JARID2: variants seen among roughly 807,000 people sequenced by gnomAD.
The protein encoded by JARID2 is protein Jumonji.
JARID2 carries 21 observed loss-of-function variants against 125.6 expected under a neutral mutation model. The observed-to-expected ratio is 0.17, with a 90% CI of 0.12 to 0.24. The LOEUF is 0.24. Ranked by LOEUF, JARID2 falls within the 10% of genes least tolerant of loss-of-function variation. The pLI, the probability that JARID2 is intolerant of heterozygous loss-of-function variation, is 1.00. For synonymous variants in JARID2, 736 were observed against 661.6 expected, an observed-to-expected ratio of 1.11 and a Z score of -1.73; for missense variants, 1,303 against 1,639.6, an observed-to-expected ratio of 0.79 and a Z score of 3.55.
At chr6:15,349,708 A>G (rs1238290527) in intron 1 of JARID2, among the ~76,000 whole-genome samples, 1 of 152,078 alleles carries the variant, frequency 6.6e-6, no homozygotes, top group African/African-American at 2.4e-5. Flanking sequence ...CCTCTCCCCC[A>G]CCACCCCTTA....
intron 2 of JARID2, among the ~76,000 whole-genome samples, chr6:15,407,123 A>ATGG (rs940906237): frequency 9.9e-5 from 15 of 152,056 alleles, no homozygotes; most frequent in African/African-American, 3.6e-4. Flanking sequence ...TTAGTGGGGC[A>ATGG]TGGTGGTGCA....
intron 1 of JARID2, among the ~76,000 whole-genome samples, chr6:15,358,492 A>C (rs1208772978): frequency 6.6e-6 from 1 of 152,206 alleles, no homozygotes; most frequent in East Asian, 1.9e-4. Flanking sequence ...TTCAGGGTTA[A>C]TGAGATTTTC....
At chr6:15,378,648 G>A (rs1225279907) in intron 2 of JARID2, among the ~76,000 whole-genome samples, 1 of 152,112 alleles carries the variant, frequency 6.6e-6, no homozygotes, top group Non-Finnish European at 1.5e-5. Context: ...TTTGAATCCA[G>A]TACTTTTTTG....
rs1770716218 is a variant in JARID2, at chr6:15,501,210, C to T, written c.2249C>T (p.Pro750Leu). The T allele has an allele frequency of 6.2e-7, 1 of 1,613,892 alleles. No homozygotes were observed. Among genetic ancestry groups the T allele is most frequent in the South Asian group, 1.1e-5 (1 of 91,082 alleles). The change falls in exon 8 of 18, where the codon CCT (proline) becomes CTT (leucine). Residue 750 changes from proline (P) to leucine (L), a missense_variant. Physicochemically the swap from Pro to Leu is moderately conservative, Grantham distance 98. Around this residue, in one of 11 missense-constraint regions of JARID2, gnomAD observed 124 missense variants for 131.0 expected, o/e 0.95. Coordinates refer to ENST00000341776, the MANE Select transcript of JARID2 (RefSeq NM_004973.4). ...HTENDHHKFHPLPRFEPKNGL... is the reference protein window; with the variant it reads ...HTENDHHKFHLLPRFEPKNGL... Reference sequence around the variant, plus strand: ...GAGAACGACCACCACAAGTTCCACCCTCTGCCCCGCTTCGAGCCCAAGAAT... The same window carrying T: ...GAGAACGACCACCACAAGTTCCACCTTCTGCCCCGCTTCGAGCCCAAGAAT...
At chr6:15,450,669 G>A (rs1767881137) in intron 3 of JARID2, among the ~76,000 whole-genome samples, 2 of 152,296 alleles carry the variant, frequency 1.3e-5, no homozygotes. Context: ...GTTTAAAGTA[G>A]GGCCCAGTTT....
At chr6:15,511,223 C>T (rs1410778545) in intron 12 of JARID2, 73 bp from the exon 13 acceptor site, 18 of 1,023,920 alleles carry the variant, frequency 1.8e-5, no homozygotes, top group Middle Eastern at 2.2e-4. Context: ...CTGAGGGTGA[C>T]GGGGGTGGCC....
At chr6:15,487,225 A>T (rs1769914608) in intron 5 of JARID2, 82 bp from the exon 6 acceptor site, 1 of 1,162,236 alleles carries the variant, frequency 8.6e-7, no homozygotes, top group Admixed American at 2.1e-5. Context: ...TTGGGTGGGG[A>T]CACAGAGCCA....
intron 3 of JARID2, among the ~76,000 whole-genome samples, chr6:15,446,347 A>G (rs1767669991): frequency 6.6e-6 from 1 of 152,212 alleles, no homozygotes. Flanking sequence ...GTGGCTGGTT[A>G]TGCATGAGGT....
intron 12 of JARID2, chr6:15,508,999 T>G: frequency 7.8e-7 from 1 of 1,289,376 alleles, no homozygotes. Flanking sequence ...CATCTATCGG[T>G]GGCTGTGGGG....
intron 1 of JARID2, among the ~76,000 whole-genome samples, chr6:15,302,822 C>T (rs982428380): frequency 2.0e-5 from 3 of 152,094 alleles, no homozygotes; most frequent in African/African-American, 7.2e-5. Flanking sequence ...GCAACCTCCG[C>T]CTCCTGGGTT....
At chr6:15,359,294 C>T (rs998130281) in intron 1 of JARID2, among the ~76,000 whole-genome samples, 2 of 152,156 alleles carry the variant, frequency 1.3e-5, no homozygotes, top group Non-Finnish European at 2.9e-5. Flanking sequence ...TTGGATGTTG[C>T]GCTGCTGTAT....
intron 5 of JARID2, among the ~76,000 whole-genome samples, chr6:15,474,464 T>C (rs1327646387): frequency 1.2e-3 from 11 of 8,946 alleles, no homozygotes; most frequent in African/African-American, 6.0e-3. Flanking sequence ...GCATGCCTTT[T>C]TTTTTTTTTT....
rs530668612 is a variant in JARID2 at position 15,488,323 on chromosome 6, G to A, written c.906+781G>A. Among the ~76,000 whole-genome samples, 4 of 152,356 alleles carry A rather than the reference G, an allele frequency of 2.6e-5. No individual in the cohort carries two copies. The South Asian group carries it at 8.3e-4, about 32-fold the overall frequency. On this transcript the variant is annotated intron_variant, in intron 6 of 17. Transcript: ENST00000341776. ...TGGGGATAAGGGCAGGTTCCTGCAG[G>A]CACACAGCTGAGGGCTTGTCCCCGG...
At chr6:15,438,757 G>A (rs1038323035) in intron 3 of JARID2, among the ~76,000 whole-genome samples, 3 of 152,106 alleles carry the variant, frequency 2.0e-5, no homozygotes, top group Admixed American at 6.5e-5. Context: ...GGCCATGCTC[G>A]GTGGCTCACA....
intron 1 of JARID2, among the ~76,000 whole-genome samples, chr6:15,355,280 A>G (rs1477773421): frequency 2.0e-5 from 3 of 152,240 alleles, no homozygotes; most frequent in Non-Finnish European, 4.4e-5. Flanking sequence ...ACATCAAAAA[A>G]TGCAAGCTGA....
intron 3 of JARID2, among the ~76,000 whole-genome samples, chr6:15,413,004 TTTTG>T (rs766697547): frequency 0.015 from 1,015 of 68,322 alleles, 42 homozygotes; most frequent in African/African-American, 0.074. Context: ...GAGCTTGTGT[TTTTG>T]TTTTTTTTTT....
At chr6:15,397,954 A>G (rs1179967714) in intron 2 of JARID2, among the ~76,000 whole-genome samples, 1 of 152,216 alleles carries the variant, frequency 6.6e-6, no homozygotes, top group Non-Finnish European at 1.5e-5. Context: ...GTGTAGTATT[A>G]TAAATACTCC....
At chr6:15,410,161 G>A (rs963111837) in intron 2 of JARID2, 63 bp from the exon 3 acceptor site, 11 of 1,482,930 alleles carry the variant, frequency 7.4e-6, no homozygotes, top group African/African-American at 2.8e-5. Flanking sequence ...AGGGTTAACT[G>A]TGGTAAAGTG....
chr6:15,441,848 A>G (rs1435709018), intron 3 of JARID2, among the ~76,000 whole-genome samples: 5 of 151,838 alleles, frequency 3.3e-5, no homozygotes, highest in South Asian at 2.1e-4. Flanking sequence ...CTGGAGTGCA[A>G]TGGCACGGTC....
Sources: allele counts gnomAD v4.1 joint callset (sites outside exome capture counted in the v4.1 genomes callset), GRCh38; gene constraint gnomAD v4.1.1; regional missense constraint gnomAD v4.1.1; transcripts MANE v1.5; gene names NCBI Gene and HGNC (gene_info 2026-07-23, HGNC 2026-07-21).